PLCL1: variants seen among roughly 807,000 people sequenced by gnomAD.
The protein encoded by PLCL1 is phospholipase C like 1 (inactive), also known as inactive phospholipase C-like protein 1.
PLCL1 carries 41 observed loss-of-function variants against 84.4 expected under a neutral mutation model. The observed-to-expected ratio is 0.49, with a 90% CI of 0.38 to 0.63. The LOEUF is 0.63. Ranked by LOEUF, PLCL1 falls within the 30% of genes least tolerant of loss-of-function variation. PLCL1 has a pLI of 0.00. For missense variants in PLCL1, 1,206 were observed against 1,367.8 expected, an observed-to-expected ratio of 0.88 and a Z score of 1.87; for synonymous variants, 490 against 488.3, an observed-to-expected ratio of 1.00 and a Z score of -0.05.
intron 1 of PLCL1, among the ~76,000 whole-genome samples, chr2:197,904,790 GA>G (rs1688343292): frequency 6.6e-6 from 1 of 151,962 alleles, no homozygotes; most frequent in South Asian, 2.1e-4. Context: ...CTGTTAATTA[GA>G]AAAAAATTTT....
intron 1 of PLCL1, among the ~76,000 whole-genome samples, chr2:197,923,402 G>C (rs1164368809): frequency 4.1e-5 from 6 of 147,202 alleles, no homozygotes; most frequent in African/African-American, 1.5e-4. Context: ...CTTCTCAGAC[G>C]GGGTGGTTGC....
chr2:197,913,281 T>C (rs1182631027), intron 1 of PLCL1, among the ~76,000 whole-genome samples: 1 of 152,224 alleles, frequency 6.6e-6, no homozygotes, highest in Non-Finnish European at 1.5e-5. Context: ...TTTGCCAAGT[T>C]AGAGTCCCGT....
intron 1 of PLCL1, among the ~76,000 whole-genome samples, chr2:197,938,077 A>T (rs1689084287): frequency 6.6e-6 from 1 of 152,204 alleles, no homozygotes; most frequent in Admixed American, 6.5e-5. Flanking sequence ...CAGATATCTT[A>T]CATTTTACAA....
chr2:197,999,245 C>G (rs1452217287), intron 1 of PLCL1, among the ~76,000 whole-genome samples: 5 of 152,236 alleles, frequency 3.3e-5, no homozygotes, highest in Non-Finnish European at 7.4e-5. Flanking sequence ...AAAGCTGGCA[C>G]CATCTCACTT....
intron 1 of PLCL1, among the ~76,000 whole-genome samples, chr2:198,057,926 G>A (rs1037169349): frequency 6.6e-6 from 1 of 152,282 alleles, no homozygotes; most frequent in East Asian, 1.9e-4. Flanking sequence ...TTCTGAAAAT[G>A]CATTTAGCTT....
chr2:197,846,460 AGAAG>A (rs1436247214), intron 1 of PLCL1, among the ~76,000 whole-genome samples: 1 of 152,180 alleles, frequency 6.6e-6, no homozygotes, highest in African/African-American at 2.4e-5. Context: ...TCAGATGACC[AGAAG>A]GCAAATCACC....
chr2:197,808,598 G>GT (rs200468387), intron 1 of PLCL1, among the ~76,000 whole-genome samples: 1,569 of 152,110 alleles, frequency 0.01, 22 homozygotes, highest in African/African-American at 0.035. Flanking sequence ...TTTGCCAAGA[G>GT]TTTTTTTAAA....
chr2:198,051,995 C>T (rs897067732), intron 1 of PLCL1, among the ~76,000 whole-genome samples: 6 of 151,792 alleles, frequency 4.0e-5, no homozygotes, highest in East Asian at 1.9e-4. Context: ...CCACAACCTC[C>T]GCCTCCTGGG....
intron 1 of PLCL1, among the ~76,000 whole-genome samples, chr2:198,067,241 C>T (rs1028855479): frequency 1.3e-5 from 2 of 151,610 alleles, no homozygotes; most frequent in African/African-American, 4.9e-5. Context: ...GATTCTCCTG[C>T]CTCAGCCTCC....
chr2:198,134,617 T>C (rs1178475182), intron 5 of PLCL1, among the ~76,000 whole-genome samples: 1 of 152,078 alleles, frequency 6.6e-6, no homozygotes, highest in Admixed American at 6.5e-5. Flanking sequence ...AAGAGGACAA[T>C]TTCAGCCTCT....
rs1363403236 is a variant in PLCL1, at chr2:197,805,233, G to A, written c.134G>A (p.Arg45His). Residue 45 changes from arginine to histidine, a missense_variant, in exon 1 of 6, where the codon CGT (arginine) becomes CAT (histidine). By Grantham distance (29) the Arg-to-His change is conservative. Coordinates refer to ENST00000428675, the MANE Select transcript of PLCL1 (RefSeq NM_006226.4). This position sits in a 1 kb window ranked among gnomAD's most constrained non-coding sequence, Gnocchi z 4.0. ...GCCTCTGGGGGCCGGATGAGGGACC[G>A]TCGCAGCGGGGTCGCACTGCCAGGC... is the stretch of plus-strand genomic sequence containing the variant. ...TAASGGRMRD[R>H]RSGVALPGAA... 3 of 1,268,878 alleles carry A rather than the reference G, an allele frequency of 2.4e-6. No homozygotes were observed. In the Admixed American group the frequency reaches 1.3e-4, roughly 53 times the overall value. The allele number at this position is 1,268,878 out of a possible 1,614,324, so 78.6% of individuals were successfully genotyped here.
intron 1 of PLCL1, among the ~76,000 whole-genome samples, chr2:197,845,018 A>G (rs1418606901): frequency 6.6e-6 from 1 of 152,128 alleles, no homozygotes; most frequent in Non-Finnish European, 1.5e-5. Context: ...GTTCAGCTCA[A>G]GGCAGATAAT....
intron 1 of PLCL1, among the ~76,000 whole-genome samples, chr2:197,902,444 G>A (rs1688286196): frequency 6.6e-6 from 1 of 152,204 alleles, no homozygotes; most frequent in African/African-American, 2.4e-5. Context: ...AGTCCCAAGT[G>A]TGAACGTGAC....
rs376520911 is a variant in PLCL1, at chr2:198,085,152, T to C, written c.1635T>C (p.Pro545=). Residue 545 remains proline, a synonymous_variant, in exon 2 of 6, where the codon CCT becomes CCC. Coordinates refer to ENST00000428675, the MANE Select transcript of PLCL1 (RefSeq NM_006226.4). The surrounding 1 kb of genome is among the most constrained non-coding windows in gnomAD (Gnocchi z 5.3). ...RMIIVKGKKL[P]SDPDVLEGEV... The stretch of plus-strand genomic sequence containing the variant: ...TCATTGTGAAAGGAAAGAAGTTGCC[T>C]TCTGATCCAGATGTGTTAGAAGGAG... The C allele has an allele frequency of 2.5e-5, 40 of 1,614,056 alleles. No individual in the cohort carries two copies. In the African/African-American group the frequency reaches 2.9e-4, roughly 12 times the overall value.
chr2:197,864,297 A>G (rs1279919372), intron 1 of PLCL1, among the ~76,000 whole-genome samples: 3 of 150,582 alleles, frequency 2.0e-5, no homozygotes, highest in Non-Finnish European at 4.4e-5. Flanking sequence ...TTTGAGCATC[A>G]TGGTAACAGA....
chr2:197,943,392 C>T (rs1689201547), intron 1 of PLCL1, among the ~76,000 whole-genome samples: 1 of 151,948 alleles, frequency 6.6e-6, no homozygotes, highest in African/African-American at 2.4e-5. Context: ...TCACTCTCTT[C>T]TCCCATTGAT....
At chr2:198,106,635 G>A (rs1036219259) in intron 5 of PLCL1, among the ~76,000 whole-genome samples, 1 of 151,906 alleles carries the variant, frequency 6.6e-6, no homozygotes, top group African/African-American at 2.4e-5. Context: ...CAAATATCAG[G>A]AGGATTACCT....
chr2:197,920,395 C>T (rs1198083206), intron 1 of PLCL1, among the ~76,000 whole-genome samples: 1 of 151,602 alleles, frequency 6.6e-6, no homozygotes, highest in Non-Finnish European at 1.5e-5. Flanking sequence ...GGACAGAGTG[C>T]CTGAGGAAGA....
At chr2:197,924,799 A>C (rs1688803108) in intron 1 of PLCL1, among the ~76,000 whole-genome samples, 1 of 151,906 alleles carries the variant, frequency 6.6e-6, no homozygotes, top group Non-Finnish European at 1.5e-5. Context: ...TTGACTGAAA[A>C]CCCAGAGCAT....
Sources: gnomAD v4.1 joint callset for allele counts (sites outside exome capture counted in the v4.1 genomes callset) on GRCh38, gnomAD v4.1.1 for gene constraint, Gnocchi (gnomAD v3.1) non-coding constraint, MANE v1.5 for transcripts, NCBI Gene and HGNC (gene_info 2026-07-23, HGNC 2026-07-21) for gene names.